Variants in YTHDC2 observed in about 807,000 individuals in gnomAD.
The protein encoded by YTHDC2 is YTH N6-methyladenosine RNA binding protein C2, also known as 3'-5' RNA helicase YTHDC2.
YTHDC2 carries 45 observed loss-of-function variants against 174.9 expected under a neutral mutation model. The observed-to-expected ratio is 0.26, with a 90% confidence interval of 0.20 to 0.33. The LOEUF is 0.33. YTHDC2 is among the 10% of genes least tolerant of loss of function. The pLI, the probability that YTHDC2 is intolerant of heterozygous loss-of-function variation, is 1.00. For missense variants in YTHDC2, 1,650 were observed against 1,723.7 expected (o/e 0.96, Z 0.76); for synonymous variants, 657 against 574.5 (o/e 1.14, Z -2.05).
rs139660763 is a variant in YTHDC2, at chr5:113,547,771, T to C, written c.1496-770T>C. On this transcript the variant is annotated intron_variant, in intron 10 of 29. Coordinates refer to ENST00000161863, the MANE Select transcript of YTHDC2 (RefSeq NM_022828.5). ...ACCATGTTTCAGAGTGTTTATTAAA[T>C]AGAAGATAATTGGGTATACATACTG... Among the ~76,000 whole-genome samples the C allele has an allele frequency of 2.0e-3, 309 of 152,310 alleles. 1 individual carries two copies. The highest frequency in any genetic ancestry group is 6.9e-3 in the African/African-American group (288 of 41,580).
intron 26 of YTHDC2, among the ~76,000 whole-genome samples, chr5:113,586,765 T>C (rs1218504850): frequency 1.3e-5 from 2 of 149,914 alleles, no homozygotes; most frequent in Non-Finnish European, 3.0e-5. Flanking sequence ...CATTTGTTTT[T>C]TTCCATTGAG....
chr5:113,577,939 T>C (rs1047087688), intron 23 of YTHDC2, among the ~76,000 whole-genome samples: 1 of 152,160 alleles, frequency 6.6e-6, no homozygotes, highest in African/African-American at 2.4e-5. Flanking sequence ...TTTATTAAAC[T>C]CATTAATCCT....
chr5:113,541,199 T>A (rs1258028649), intron 9 of YTHDC2, 83 bp downstream of exon 9: 1 of 1,516,480 alleles, frequency 6.6e-7, no homozygotes, highest in African/African-American at 1.4e-5. Flanking sequence ...ATAATTTTTT[T>A]TTTTTTTTTT....
intron 5 of YTHDC2, 152 bp downstream of exon 5, chr5:113,533,197 C>A: frequency 2.4e-6 from 2 of 837,210 alleles, no homozygotes; most frequent in Non-Finnish European, 3.6e-6. Context: ...ATGTCTAAAT[C>A]TAGAGTAGTA....
chr5:113,555,267 T>C (rs1376422532), intron 16 of YTHDC2, among the ~76,000 whole-genome samples: 3 of 152,086 alleles, frequency 2.0e-5, no homozygotes, highest in East Asian at 1.9e-4. Context: ...ACATACAAAA[T>C]TGACAAATGT....
At chr5:113,567,520 G>C in intron 22 of YTHDC2, 134 bp from the exon 23 acceptor site, 1 of 761,478 alleles carries the variant, frequency 1.3e-6, no homozygotes, top group East Asian at 3.0e-5. Flanking sequence ...CATGAGCGAT[G>C]ACTTGTTTTA....
At chr5:113,545,605 C>T (rs1775816204) in intron 10 of YTHDC2, among the ~76,000 whole-genome samples, 1 of 152,090 alleles carries the variant, frequency 6.6e-6, no homozygotes, top group Non-Finnish European at 1.5e-5. Context: ...GCTGGCCAGG[C>T]TGGCTTTGAA....
intron 17 of YTHDC2, among the ~76,000 whole-genome samples, chr5:113,560,471 T>C (rs1277348114): frequency 3.3e-5 from 5 of 152,212 alleles, no homozygotes; most frequent in Non-Finnish European, 2.9e-5. Flanking sequence ...TAATGTGTTA[T>C]AGTGATGATT....
chr5:113,573,661 T>G (rs531982163), intron 23 of YTHDC2, among the ~76,000 whole-genome samples: 2 of 152,306 alleles, frequency 1.3e-5, no homozygotes, highest in Admixed American at 6.5e-5. Flanking sequence ...GTTTTGTTCA[T>G]TTCTTTTTTC....
intron 17 of YTHDC2, among the ~76,000 whole-genome samples, chr5:113,557,518 G>T (rs976827220): frequency 6.6e-6 from 1 of 152,184 alleles, no homozygotes; most frequent in African/African-American, 2.4e-5. Flanking sequence ...GTAAGGCTGG[G>T]TGTAGTGGCT....
At chr5:113,563,824 T>C (rs1210370610) in intron 19 of YTHDC2, 35 bp from the exon 20 acceptor site, 3 of 1,609,416 alleles carry the variant, frequency 1.9e-6, no homozygotes, top group Non-Finnish European at 1.7e-6. Flanking sequence ...AACAGTTTGC[T>C]CACATCAAAG....
intron 26 of YTHDC2, among the ~76,000 whole-genome samples, chr5:113,588,686 G>C (rs1010672668): frequency 2.0e-5 from 3 of 151,588 alleles, no homozygotes; most frequent in South Asian, 4.2e-4. Context: ...GCAGTGGCGC[G>C]ATCTCGGCTC....
chr5:113,584,272 C>T (rs375930571), intron 25 of YTHDC2, 30 bp from the exon 26 acceptor site: 1 of 1,584,902 alleles, frequency 6.3e-7, no homozygotes, highest in African/African-American at 1.4e-5. Context: ...TTATATATAA[C>T]TGATCTTTGC....
chr5:113,541,277 C>T (rs1467100229), intron 9 of YTHDC2, among the ~76,000 whole-genome samples, 161 bp downstream of exon 9: 9 of 151,838 alleles, frequency 5.9e-5, no homozygotes, highest in African/African-American at 9.7e-5. Context: ...CTGCAAGCTC[C>T]GCGTTCCGGG....
At chr5:113,544,877 A>C (rs1470330615) in intron 10 of YTHDC2, among the ~76,000 whole-genome samples, 1 of 150,886 alleles carries the variant, frequency 6.6e-6, no homozygotes, top group Non-Finnish European at 1.5e-5. Context: ...AAAACCTTCT[A>C]CTCTTTACTG....
intron 23 of YTHDC2, among the ~76,000 whole-genome samples, chr5:113,572,842 A>C (rs187412205): frequency 5.7e-4 from 86 of 152,168 alleles, no homozygotes; most frequent in African/African-American, 1.9e-3. Flanking sequence ...TTTTGAGCCT[A>C]TGTGTGGCTT....
intron 2 of YTHDC2, among the ~76,000 whole-genome samples, chr5:113,516,309 G>T (rs899916785): frequency 6.6e-6 from 1 of 152,180 alleles, no homozygotes; most frequent in African/African-American, 2.4e-5. Flanking sequence ...AGGATCTGAT[G>T]ATTAGAAATG....
intron 7 of YTHDC2, among the ~76,000 whole-genome samples, chr5:113,536,326 C>G (rs551053668): frequency 6.6e-6 from 1 of 152,278 alleles, no homozygotes; most frequent in East Asian, 1.9e-4. Flanking sequence ...GAGATGGAGA[C>G]CATCCTGGCT....
At chr5:113,537,343 T>C (rs1356812728) in intron 7 of YTHDC2, among the ~76,000 whole-genome samples, 1 of 149,506 alleles carries the variant, frequency 6.7e-6, no homozygotes, top group Non-Finnish European at 1.5e-5. Context: ...GTGGTATGTT[T>C]TATGGTTGGC....
Sources: allele counts gnomAD v4.1 joint callset (sites outside exome capture counted in the v4.1 genomes callset), GRCh38; gene constraint gnomAD v4.1.1; transcripts MANE v1.5; gene names NCBI Gene and HGNC (gene_info 2026-07-23, HGNC 2026-07-21).